KIF4A: variants seen among roughly 807,000 people sequenced by gnomAD.
The protein encoded by KIF4A is kinesin family member 4A, also known as chromosome-associated kinesin KIF4A.
A neutral mutation model predicts 105.9 loss-of-function variants in KIF4A; 7 were observed. That is an observed-to-expected ratio of 0.07 (90% CI 0.04 to 0.12). KIF4A has a LOEUF of 0.12. KIF4A is among the 10% of genes least tolerant of loss of function. The pLI is 1.00. For synonymous variants in KIF4A, 281 were observed against 331.3 expected, an observed-to-expected ratio of 0.85 and a Z score of 1.65; for missense variants, 558 against 929.2, an observed-to-expected ratio of 0.60 and a Z score of 5.19.
At chrX:70,303,912 CT>C (rs1360130246) in intron 7 of KIF4A, among the ~76,000 whole-genome samples, 4 of 104,263 alleles carry the variant, frequency 3.8e-5, no homozygotes, top group Non-Finnish European at 7.8e-5. Flanking sequence ...ACTTACATTT[CT>C]TTTTTTTTAT....
At chrX:70,384,737 T>C (rs1602793389) in intron 18 of KIF4A, among the ~76,000 whole-genome samples, 1 of 110,736 alleles carries the variant, frequency 9.0e-6, no homozygotes, top group South Asian at 3.9e-4. Context: ...AAAAGATTTG[T>C]CTGCATAGAG....
At chrX:70,396,321 A>C (rs1242416995) in intron 22 of KIF4A, 1 of 198,282 alleles carries the variant, frequency 5.0e-6, no homozygotes, top group African/African-American at 2.9e-5. Flanking sequence ...TATTAACATT[A>C]GTGTCACTGA....
chrX:70,341,324 G>A (rs1021538879), intron 10 of KIF4A, among the ~76,000 whole-genome samples: 1 of 111,604 alleles, frequency 9.0e-6, no homozygotes, highest in African/African-American at 3.3e-5. Flanking sequence ...ATATATTTAT[G>A]TTGATTAGGT....
At chrX:70,314,864 G>A (rs1165292211) in intron 7 of KIF4A, among the ~76,000 whole-genome samples, 1 of 111,031 alleles carries the variant, frequency 9.0e-6, no homozygotes, top group Non-Finnish European at 1.9e-5. Flanking sequence ...GCTTCAGTGT[G>A]ATTACTGAGA....
intron 28 of KIF4A, among the ~76,000 whole-genome samples, chrX:70,412,050 G>A (rs2086324517): frequency 9.0e-6 from 1 of 111,020 alleles, no homozygotes; most frequent in South Asian, 3.9e-4. Context: ...CCTGTGATAG[G>A]GACACATTCT....
chrX:70,359,979 G>A (rs2086068080), intron 15 of KIF4A, among the ~76,000 whole-genome samples: 1 of 111,604 alleles, frequency 9.0e-6, no homozygotes, highest in African/African-American at 3.3e-5. Flanking sequence ...GGCTGCAGGG[G>A]AGAGGTGCTT....
intron 15 of KIF4A, among the ~76,000 whole-genome samples, chrX:70,357,282 C>G (rs752103643): frequency 2.7e-5 from 3 of 111,992 alleles, no homozygotes; most frequent in South Asian, 7.5e-4. Context: ...CCACTGCACT[C>G]CAGCCTGGGC....
At chrX:70,376,347 G>T (rs2086175071) in intron 18 of KIF4A, 137 bp downstream of exon 18, 1 of 428,114 alleles carries the variant, frequency 2.3e-6, no homozygotes, top group East Asian at 3.8e-5. Flanking sequence ...TTTATTAAAT[G>T]TCTACTATGT....
chrX:70,329,279 A>T, intron 7 of KIF4A, 126 bp from the exon 8 acceptor site: 1 of 613,292 alleles, frequency 1.6e-6, no homozygotes, highest in Admixed American at 3.5e-5. Flanking sequence ...AAGATTAAGA[A>T]GTTTTCTCAA....
intron 8 of KIF4A, among the ~76,000 whole-genome samples, chrX:70,329,790 AATT>A (rs2085923657): frequency 9.0e-6 from 1 of 111,668 alleles, no homozygotes; most frequent in Non-Finnish European, 1.9e-5. Context: ...CTGTTTCTTT[AATT>A]ATTAGTGCGG....
At chrX:70,411,894 A>G (rs772333182) in intron 28 of KIF4A, among the ~76,000 whole-genome samples, 1 of 109,570 alleles carries the variant, frequency 9.1e-6, no homozygotes, top group South Asian at 4.0e-4. Context: ...TCTCTACAAA[A>G]GAAAAAGAAA....
At chrX:70,309,870 CT>C (rs2085841888) in intron 7 of KIF4A, among the ~76,000 whole-genome samples, 1 of 111,980 alleles carries the variant, frequency 8.9e-6, no homozygotes, top group Non-Finnish European at 1.9e-5. Context: ...ATGGCAAACC[CT>C]GTGTCTACTA....
intron 10 of KIF4A, among the ~76,000 whole-genome samples, chrX:70,341,347 C>A (rs186444407): frequency 1.8e-5 from 2 of 111,484 alleles, no homozygotes; most frequent in Non-Finnish European, 3.8e-5. Flanking sequence ...AATTTTGACC[C>A]TGAGCAGTGT....
chrX:70,335,950 T>A (rs774193529), intron 10 of KIF4A, among the ~76,000 whole-genome samples: 4 of 112,387 alleles, frequency 3.6e-5, no homozygotes, highest in Admixed American at 1.9e-4. Flanking sequence ...TATTTCTACC[T>A]CTTTTCTACC....
intron 27 of KIF4A, 75 bp downstream of exon 27, chrX:70,406,429 A>G: frequency 1.3e-6 from 1 of 787,921 alleles, no homozygotes; most frequent in Non-Finnish European, 1.9e-6. Flanking sequence ...GCCCTTTATA[A>G]GAGGTTGACA....
chrX:70,366,122 A>G (rs1481004949), intron 15 of KIF4A, among the ~76,000 whole-genome samples: 2 of 111,302 alleles, frequency 1.8e-5, no homozygotes, highest in African/African-American at 6.5e-5. Context: ...CGTCCAGTCT[A>G]TTTGATTCTT....
At chrX:70,290,302 G>A in intron 1 of KIF4A, 136 bp from the exon 2 acceptor site, 1 of 772,341 alleles carries the variant, frequency 1.3e-6, no homozygotes, top group Non-Finnish European at 1.8e-6. Flanking sequence ...GGGCGGTCCA[G>A]CCCTGGCCAA....
intron 7 of KIF4A, among the ~76,000 whole-genome samples, chrX:70,326,953 A>G (rs1007116184): frequency 8.9e-6 from 1 of 112,195 alleles, no homozygotes; most frequent in Non-Finnish European, 1.9e-5. Context: ...TCATTGCCAT[A>G]GATTCTTCTC....
At chrX:70,398,940 G>A (rs1483363937) in intron 22 of KIF4A, among the ~76,000 whole-genome samples, 1 of 111,790 alleles carries the variant, frequency 8.9e-6, no homozygotes, top group Non-Finnish European at 1.9e-5. Context: ...GACACCCTAG[G>A]CTGAATGAAA....
Sources: gnomAD v4.1 joint callset for allele counts (sites outside exome capture counted in the v4.1 genomes callset) on GRCh38, gnomAD v4.1.1 for gene constraint, MANE v1.5 for transcripts, NCBI Gene and HGNC (gene_info 2026-07-23, HGNC 2026-07-21) for gene names.